The following AGO2 variants were observed in gnomAD, a reference collection of about 807,000 sequenced individuals.
AGO2 encodes protein argonaute-2.
A neutral mutation model predicts 102.3 loss-of-function variants in AGO2; 5 were observed. The ratio of observed to expected loss-of-function variants is 0.05; its 90% CI spans 0.03 to 0.10. AGO2 has a LOEUF of 0.10. AGO2 is among the 10% of genes least tolerant of loss of function. The pLI is 1.00. For synonymous variants in AGO2, 449 were observed against 473.1 expected, an observed-to-expected ratio of 0.95 and a Z score of 0.66; for missense variants, 541 against 1,183.7, an observed-to-expected ratio of 0.46 and a Z score of 7.97.
In AGO2 at chr8:140,541,084, C is replaced by CA. The variant is rs1240632698; in HGVS notation, c.2034+79dup. ...TGAGAGCCACATCATTCTTGCCATT[C>CA]ATCGAGCGTGGTTCTGCTGCACAAA... On this transcript the variant is annotated intron_variant, in intron 15 of 18. Transcript: ENST00000220592. 1.9e-5 allele frequency: 26 copies of CA among 1,392,936 alleles called. No homozygotes were observed. The African/African-American group carries it at 3.6e-4, about 20-fold the overall frequency. 86.3% of individuals were successfully genotyped at this position (1,392,936 alleles called of 1,614,324 possible).
intron 1 of AGO2, among the ~76,000 whole-genome samples, chr8:140,607,230 C>A (rs2074009315): frequency 6.6e-6 from 1 of 151,006 alleles, no homozygotes; most frequent in African/African-American, 2.4e-5. Flanking sequence ...ACCTGGGCAA[C>A]AAGAGTGAAA....
chr8:140,566,610 T>G (rs1235419180), intron 3 of AGO2, among the ~76,000 whole-genome samples: 1 of 149,660 alleles, frequency 6.7e-6, no homozygotes, highest in Admixed American at 6.7e-5. Flanking sequence ...TTCTTTTTTT[T>G]TTTTTTTTGG....
At position 140,526,756 on chromosome 8, in the gene AGO2, T is replaced by C. The variant is rs1369217329; in HGVS notation, c.*5288A>G. 1 of 152,078 alleles carries C rather than the reference T, an allele frequency of 6.6e-6. No homozygotes were observed. The highest frequency in any genetic ancestry group is 1.5e-5 in the Non-Finnish European group (1 of 68,022). 9.4% of individuals were successfully genotyped at this position (152,078 alleles called of 1,614,324 possible). ...TAGACAATAACATGGCAAAACATAC[T>C]GAAAGAAGCATAAGCGAGGGCACCG... On this transcript the variant is annotated 3_prime_UTR_variant, in exon 19 of 19. Transcript: ENST00000220592. This position sits in a 1 kb window ranked among gnomAD's most constrained non-coding sequence, Gnocchi z 5.2.
chr8:140,595,534 A>T (rs548032811), intron 1 of AGO2, among the ~76,000 whole-genome samples: 28 of 147,914 alleles, frequency 1.9e-4, no homozygotes, highest in African/African-American at 6.5e-4. Flanking sequence ...GTGCGATCAT[A>T]GGGCTCAAGT....
At chr8:140,638,510 C>G (rs962471041), upstream of AGO2, among the ~76,000 whole-genome samples, 2 of 152,288 alleles carry the variant, frequency 1.3e-5, no homozygotes, top group East Asian at 1.9e-4. Context: ...CTCAAGGTTC[C>G]GTGGAGCATA....
rs775302057 is a variant in AGO2 at position 140,567,116 on chromosome 8, G to A, written c.337-4482C>T. 2.0e-5 allele frequency among the ~76,000 whole-genome samples: 3 copies of A among 152,236 alleles called. No homozygotes were observed. Among genetic ancestry groups the A allele is most frequent in the Non-Finnish European group, 2.9e-5 (2 of 68,034 alleles). On this transcript the variant is annotated intron_variant, in intron 3 of 18. Coordinates refer to ENST00000220592, the MANE Select transcript of AGO2 (RefSeq NM_012154.5). The surrounding 1 kb of genome is among the most constrained non-coding windows in gnomAD (Gnocchi z 5.0). ...CAACACCGAGGGGCAATGGCAAGGG[G>A]TCTATTTTCCCACAGCAAAATACAT...
At chr8:140,618,864 C>A (rs1343173762) in intron 1 of AGO2, among the ~76,000 whole-genome samples, 1 of 151,588 alleles carries the variant, frequency 6.6e-6, no homozygotes, top group Non-Finnish European at 1.5e-5. Context: ...AGTAATATTA[C>A]AGGTGGTTTT....
rs528830772 is a variant in AGO2, at chr8:140,547,426, G to A, written c.1748+42C>T. 1.3e-4 allele frequency: 208 copies of A among 1,601,568 alleles called. No individual in the cohort carries two copies. The South Asian group carries it at 2.1e-3, about 16-fold the overall frequency. ...ACCCCACCCTGCCAAGCGTCCCACTGTGCCCTGGTCCGCAGGCGGAGGTAA... is the reference window on the plus strand; with the variant it reads ...ACCCCACCCTGCCAAGCGTCCCACTATGCCCTGGTCCGCAGGCGGAGGTAA... On this transcript the variant is annotated intron_variant, in intron 13 of 18. Coordinates refer to ENST00000220592, the MANE Select transcript of AGO2 (RefSeq NM_012154.5).
rs529772374 is a variant in AGO2, at chr8:140,547,563, G to A, written c.1653C>T (p.Asn551=). Residue 551 remains asparagine, a synonymous_variant, in exon 13 of 19, where the codon AAC becomes AAT. Transcript: ENST00000220592. ...GMATQCVQMK[N]VQRTTPQTLS... ...GGGTCTGTGGCGTGGTCCTCTGCAC[G>A]TTCTTCATCTGCACGCACTGCGTGG... The A allele has an allele frequency of 8.0e-5, 129 of 1,614,168 alleles. 1 individual carries two copies. In the South Asian group the frequency reaches 1.2e-3, roughly 15 times the overall value.
chr8:140,577,225 A>G (rs977009480), intron 2 of AGO2, among the ~76,000 whole-genome samples: 5 of 151,494 alleles, frequency 3.3e-5, no homozygotes, highest in East Asian at 1.9e-4. Context: ...AAAAAAAAAA[A>G]AAAGAAACAT....
intron 1 of AGO2, among the ~76,000 whole-genome samples, chr8:140,612,913 T>C (rs1205135502): frequency 2.0e-5 from 3 of 151,502 alleles, no homozygotes; most frequent in South Asian, 2.1e-4. Context: ...AAACAACATA[T>C]CCCTGGCCAG....
intron 11 of AGO2, 46 bp downstream of exon 11, chr8:140,551,257 T>C (rs757866248): frequency 2.1e-6 from 3 of 1,448,530 alleles, no homozygotes; most frequent in African/African-American, 2.9e-5. Flanking sequence ...GAGCTGCCCA[T>C]CGGGCAGCAC....
intron 1 of AGO2, among the ~76,000 whole-genome samples, chr8:140,631,330 T>C (rs1588521528): frequency 6.6e-6 from 1 of 151,636 alleles, no homozygotes; most frequent in Non-Finnish European, 1.5e-5. Flanking sequence ...TCACCTGAGG[T>C]TGGGAGTTTG....
At chr8:140,600,152 A>G (rs948044526) in intron 1 of AGO2, among the ~76,000 whole-genome samples, 5 of 152,276 alleles carry the variant, frequency 3.3e-5, no homozygotes, top group African/African-American at 7.2e-5. Context: ...CTGAACCACA[A>G]TGCATTCCTA....
chr8:140,583,461 G>T (rs1039035978), intron 2 of AGO2, among the ~76,000 whole-genome samples: 1 of 152,186 alleles, frequency 6.6e-6, no homozygotes, highest in Non-Finnish European at 1.5e-5. Context: ...ACATCATAGA[G>T]TATATTTACA....
intron 1 of AGO2, among the ~76,000 whole-genome samples, chr8:140,634,212 T>C (rs1027775305): frequency 1.3e-5 from 2 of 152,222 alleles, no homozygotes; most frequent in Non-Finnish European, 2.9e-5. Context: ...GCTTTCTAAA[T>C]GACATCAGAA....
intron 1 of AGO2, among the ~76,000 whole-genome samples, chr8:140,605,276 C>T (rs765353709): frequency 2.0e-5 from 3 of 152,032 alleles, no homozygotes; most frequent in East Asian, 1.9e-4. Context: ...TTTGTATTTT[C>T]GGTAGAGACA....
intron 4 of AGO2, among the ~76,000 whole-genome samples, chr8:140,561,940 G>A (rs1349537434): frequency 6.6e-6 from 1 of 152,244 alleles, no homozygotes; most frequent in East Asian, 1.9e-4. Context: ...CCTCTGCCCA[G>A]CAACCGGGCA....
intron 1 of AGO2, among the ~76,000 whole-genome samples, chr8:140,627,744 T>C (rs573589272): frequency 6.6e-6 from 1 of 152,292 alleles, no homozygotes; most frequent in African/African-American, 2.4e-5. Flanking sequence ...TTCCGTCTGG[T>C]AGTGGACTAG....
Sources: allele counts gnomAD v4.1 joint callset (sites outside exome capture counted in the v4.1 genomes callset), GRCh38; gene constraint gnomAD v4.1.1; non-coding constraint Gnocchi (gnomAD v3.1); transcripts MANE v1.5; gene names NCBI Gene and HGNC (gene_info 2026-07-23, HGNC 2026-07-21).